RBFOX1: variants seen among roughly 807,000 people sequenced by gnomAD.
RBFOX1 encodes RNA binding protein fox-1 homolog 1.
In RBFOX1, 8 loss-of-function variants were observed where a neutral mutation model predicts 57.7. The ratio of observed to expected loss-of-function variants is 0.14; its 90% CI spans 0.08 to 0.25. RBFOX1 has a LOEUF of 0.25. Ranked by LOEUF, RBFOX1 falls within the 10% of genes least tolerant of loss-of-function variation. RBFOX1 has a pLI of 1.00. For missense variants in RBFOX1, 611 were observed against 548.5 expected (o/e 1.11, Z -1.14); for synonymous variants, 326 against 222.4 (o/e 1.47, Z -4.15).
At chr16:6,684,548 C>G (rs1290304842) in intron 3 of RBFOX1, among the ~76,000 whole-genome samples, 1 of 152,158 alleles carries the variant, frequency 6.6e-6, no homozygotes, top group Non-Finnish European at 1.5e-5. Flanking sequence ...ATGGAGCTAT[C>G]AATTACTTCT....
chr16:6,334,311 T>C (rs551327197), intron 2 of RBFOX1, among the ~76,000 whole-genome samples: 1 of 151,982 alleles, frequency 6.6e-6, no homozygotes, highest in East Asian at 1.9e-4. Context: ...AGTTTGAGAC[T>C]AGCCTGGGCA....
chr16:7,190,322 G>T (rs554117368), intron 4 of RBFOX1, among the ~76,000 whole-genome samples: 3 of 152,196 alleles, frequency 2.0e-5, no homozygotes, highest in South Asian at 2.1e-4. Flanking sequence ...TCACACCACC[G>T]TACTCCAGCC....
intron 3 of RBFOX1, among the ~76,000 whole-genome samples, chr16:5,754,513 G>C (rs956807860): frequency 7.1e-6 from 1 of 139,894 alleles, no homozygotes; most frequent in Non-Finnish European, 1.5e-5. Context: ...GGGAACCAGC[G>C]TTCAGCATAT....
At chr16:7,625,884 T>TA (rs1306079748) in intron 10 of RBFOX1, among the ~76,000 whole-genome samples, 3 of 152,220 alleles carry the variant, frequency 2.0e-5, no homozygotes, top group Non-Finnish European at 1.5e-5. Context: ...CCCTGCCTCT[T>TA]AGTCTAGGTT....
intron 2 of RBFOX1, among the ~76,000 whole-genome samples, chr16:6,607,486 C>A (rs12933052): frequency 0.18 from 26,846 of 148,344 alleles, 2,943 homozygotes; most frequent in Non-Finnish European, 0.25. Context: ...TCTCCTTACT[C>A]TTTCTTCCTC....
intron 4 of RBFOX1, among the ~76,000 whole-genome samples, chr16:7,065,353 C>A (rs1397713782): frequency 6.6e-6 from 1 of 152,084 alleles, no homozygotes; most frequent in Non-Finnish European, 1.5e-5. Context: ...TGAATGCCAC[C>A]TTTCCCCTGA....
rs535392770 is a variant in RBFOX1, at chr16:7,506,337, G to T, written c.28-11810G>T. 1.2e-3 allele frequency among the ~76,000 whole-genome samples: 186 copies of T among 152,032 alleles called. 1 individual carries two copies. Among genetic ancestry groups the T allele is most frequent in the African/African-American group, 4.4e-3 (181 of 41,454 alleles). ...CAATGTAGGATTCTGACAGATTTGGGTACCTGGCACTAACAAGTTGTGTGA... is the reference window on the plus strand; with the variant it reads ...CAATGTAGGATTCTGACAGATTTGGTTACCTGGCACTAACAAGTTGTGTGA... On this transcript the variant is annotated intron_variant, in intron 4 of 15. Coordinates refer to ENST00000550418, the MANE Select transcript of RBFOX1 (RefSeq NM_018723.4).
chr16:7,373,141 C>T (rs1000811723), intron 4 of RBFOX1, among the ~76,000 whole-genome samples: 1 of 151,948 alleles, frequency 6.6e-6, no homozygotes, highest in Non-Finnish European at 1.5e-5. Flanking sequence ...ACCGTGTTAG[C>T]CAGGATGGTT....
intron 2 of RBFOX1, among the ~76,000 whole-genome samples, chr16:6,553,768 C>T (rs2097038417): frequency 6.6e-6 from 1 of 152,058 alleles, no homozygotes; most frequent in Admixed American, 6.6e-5. Flanking sequence ...GGCAGGTGAA[C>T]CAGGGAGGGA....
At position 5,977,886 on chromosome 16, in the gene RBFOX1, A is replaced by G. The variant is rs368874217; in HGVS notation, c.351+110551A>G. Among the ~76,000 whole-genome samples the G allele has an allele frequency of 8.5e-5, 13 of 152,160 alleles. No individual in the cohort carries two copies. The East Asian group carries it at 2.5e-3, about 30-fold the overall frequency. ...CGAAATTTATGAACATCACAGGCTT[A>G]GACAGTTTTTTTGACTGTTCCTTTA... On this transcript the variant is annotated intron_variant, in intron 4 of 19. Transcript: ENST00000641259.
chr16:7,334,094 C>G (rs532778990), intron 4 of RBFOX1, among the ~76,000 whole-genome samples: 1 of 152,266 alleles, frequency 6.6e-6, no homozygotes, highest in South Asian at 2.1e-4. Context: ...ATTACAATTT[C>G]TGGGAACCAT....
At chr16:5,394,742 T>C (rs973102452) in intron 1 of RBFOX1, among the ~76,000 whole-genome samples, 1 of 151,932 alleles carries the variant, frequency 6.6e-6, no homozygotes, top group Non-Finnish European at 1.5e-5. Context: ...AGAAATGGGG[T>C]CTCACCATGT....
At chr16:7,424,019 C>G (rs1397447917) in intron 4 of RBFOX1, among the ~76,000 whole-genome samples, 1 of 152,118 alleles carries the variant, frequency 6.6e-6, no homozygotes, top group Non-Finnish European at 1.5e-5. Context: ...ATTGTTCTGT[C>G]TATTTATATA....
intron 3 of RBFOX1, among the ~76,000 whole-genome samples, chr16:6,693,408 A>G (rs955637030): frequency 2.0e-5 from 3 of 150,406 alleles, no homozygotes; most frequent in Admixed American, 1.3e-4. Flanking sequence ...CCCATCCACT[A>G]CCATCACCAC....
intron 2 of RBFOX1, among the ~76,000 whole-genome samples, chr16:6,526,278 C>G (rs932801689): frequency 2.6e-5 from 4 of 152,138 alleles, no homozygotes; most frequent in African/African-American, 9.7e-5. Flanking sequence ...TCCTATCGTG[C>G]TGTTATGATT....
At chr16:6,599,097 T>G (rs2097814105) in intron 2 of RBFOX1, among the ~76,000 whole-genome samples, 1 of 152,200 alleles carries the variant, frequency 6.6e-6, no homozygotes, top group African/African-American at 2.4e-5. Flanking sequence ...TAAATACCAG[T>G]CAGTATGTTC....
intron 3 of RBFOX1, among the ~76,000 whole-genome samples, chr16:7,000,440 T>G (rs17141995): frequency 0.057 from 8,711 of 152,182 alleles, 268 homozygotes; most frequent in African/African-American, 0.078. Context: ...TGCAACAGTC[T>G]CTACATAGTC....
intron 2 of RBFOX1, among the ~76,000 whole-genome samples, chr16:5,579,329 C>A (rs2046582280): frequency 6.6e-6 from 1 of 152,130 alleles, no homozygotes; most frequent in Admixed American, 6.5e-5. Context: ...ACTTTCCAGT[C>A]CTAGGAAATC....
intron 2 of RBFOX1, among the ~76,000 whole-genome samples, chr16:6,449,616 T>C (rs1597396123): frequency 6.6e-6 from 1 of 151,978 alleles, no homozygotes. Flanking sequence ...GTGGAAGGAG[T>C]GGTATCAAAG....
Sources: allele counts gnomAD v4.1 joint callset (sites outside exome capture counted in the v4.1 genomes callset), GRCh38; gene constraint gnomAD v4.1.1; transcripts MANE v1.5; gene names NCBI Gene and HGNC (gene_info 2026-07-23, HGNC 2026-07-21).